TRIM33: variants seen among roughly 807,000 people sequenced by gnomAD.
TRIM33 encodes E3 ubiquitin-protein ligase TRIM33.
TRIM33 carries 20 observed loss-of-function variants against 125.4 expected under a neutral mutation model. The ratio of observed to expected loss-of-function variants is 0.16; its 90% CI spans 0.11 to 0.23. TRIM33 has a LOEUF of 0.23. Among genes scored for constraint, TRIM33 ranks in the 10% least tolerant of loss-of-function variants. The probability of loss-of-function intolerance (pLI) is 1.00; values close to 1 mark genes in which losing one functional copy is unlikely to be tolerated. For missense variants in TRIM33, 920 were observed against 1,411.4 expected (o/e 0.65, Z 5.58); for synonymous variants, 564 against 513.9 (o/e 1.10, Z -1.32).
chr1:114,478,806 G>C (rs1286808891), intron 1 of TRIM33, among the ~76,000 whole-genome samples: 5 of 152,246 alleles, frequency 3.3e-5, no homozygotes, highest in South Asian at 2.1e-4. Flanking sequence ...CCAGCACTTT[G>C]GGAGGCCAAG....
chr1:114,447,148 C>T (rs1649028413), intron 4 of TRIM33, among the ~76,000 whole-genome samples: 1 of 152,142 alleles, frequency 6.6e-6, no homozygotes, highest in Non-Finnish European at 1.5e-5. Flanking sequence ...TTAGGATTCA[C>T]TCTAGCAGTT....
chr1:114,398,486 A>T (rs1167930719), intron 18 of TRIM33, among the ~76,000 whole-genome samples: 2 of 152,194 alleles, frequency 1.3e-5, no homozygotes, highest in Admixed American at 1.3e-4. Flanking sequence ...AATAAGACAG[A>T]ATTTGGGACT....
At chr1:114,419,324 T>C (rs1653135892) in intron 11 of TRIM33, among the ~76,000 whole-genome samples, 1 of 151,400 alleles carries the variant, frequency 6.6e-6, no homozygotes, top group African/African-American at 2.4e-5. Context: ...GTGGCGTGAG[T>C]GGCCTCGCGT....
chr1:114,470,094 AAACT>A (rs1318610304), intron 1 of TRIM33, among the ~76,000 whole-genome samples: 2 of 152,326 alleles, frequency 1.3e-5, no homozygotes, highest in Admixed American at 6.5e-5. Context: ...ATCTTATAAT[AAACT>A]AAGTATAACT....
rs769945458 is a variant in TRIM33 at position 114,406,923 on chromosome 1, A to C, written c.2418+18T>G. On this transcript the variant is annotated intron_variant, in intron 14 of 19. Coordinates refer to ENST00000358465, the MANE Select transcript of TRIM33 (RefSeq NM_015906.4). ...AGTGATGTCCTTAAGTCCCTGTCAG[A>C]CTCCAGTGGGAGCTTACCATGCAAG... is the stretch of plus-strand genomic sequence containing the variant. 1 of 1,611,322 alleles carries C rather than the reference A, an allele frequency of 6.2e-7. No homozygotes were observed. The highest frequency in any genetic ancestry group is 8.5e-7 in the Non-Finnish European group (1 of 1,178,458).
At chr1:114,451,175 C>T (rs1649288120) in intron 4 of TRIM33, among the ~76,000 whole-genome samples, 1 of 152,082 alleles carries the variant, frequency 6.6e-6, no homozygotes, top group African/African-American at 2.4e-5. Flanking sequence ...TCCCCAAGTC[C>T]AGTGCCTCTC....
In TRIM33 at chr1:114,467,647, A is replaced by T. The variant is rs921960250; in HGVS notation, c.527-3259T>A. On this transcript the variant is annotated intron_variant, in intron 1 of 19. Transcript: ENST00000358465. Reference sequence around the variant, plus strand: ...ACATCAAAGGCCAGGACACAAATACATACCTGTCTGTGTAACTGAAACAAA... The same window carrying T: ...ACATCAAAGGCCAGGACACAAATACTTACCTGTCTGTGTAACTGAAACAAA... 2.6e-5 allele frequency among the ~76,000 whole-genome samples: 4 copies of T among 152,192 alleles called. No homozygotes were observed. In the South Asian group the frequency reaches 8.3e-4, roughly 31 times the overall value.
At chr1:114,470,638 T>TAACAACAAC (rs35575166) in intron 1 of TRIM33, among the ~76,000 whole-genome samples, 2 of 151,430 alleles carry the variant, frequency 1.3e-5, no homozygotes, top group East Asian at 3.9e-4. Flanking sequence ...ACTTGGTCAA[T>TAACAACAAC]AACAACAACA....
At chr1:114,421,226 GGA>G (rs888214259) in intron 11 of TRIM33, among the ~76,000 whole-genome samples, 10 of 152,158 alleles carry the variant, frequency 6.6e-5, no homozygotes, top group Non-Finnish European at 1.2e-4. Context: ...GGAGGCTAGA[GGA>G]GAGGGTAGGC....
chr1:114,490,111 G>GAAAAAAAAAAAAAAAAAAAA (rs1651970618), intron 1 of TRIM33, among the ~76,000 whole-genome samples: 1 of 115,524 alleles, frequency 8.7e-6, no homozygotes, highest in Non-Finnish European at 1.8e-5. Flanking sequence ...AAAAGAAAAG[G>GAAAAAAAAAAAAAAAAAAAA]AAAGGAAAGA....
At chr1:114,467,356 G>C (rs957252363) in intron 1 of TRIM33, among the ~76,000 whole-genome samples, 3 of 152,172 alleles carry the variant, frequency 2.0e-5, no homozygotes, top group Non-Finnish European at 4.4e-5. Flanking sequence ...TGAGGAAAAA[G>C]TGTTTTAGCC....
In TRIM33 at chr1:114,407,068, G is replaced by GTC; in HGVS notation, c.2289_2290dup (p.Thr764ArgfsTer11). ...CTGATCAGATTTGAAACTAAGACTT[G>GTC]TCTTCTCAGCAGTTCTTCCTGATGA... On this transcript the variant is annotated frameshift_variant, in exon 14 of 20. Coordinates refer to ENST00000358465, the MANE Select transcript of TRIM33 (RefSeq NM_015906.4). LOFTEE classifies it high-confidence loss of function. 6.2e-7 allele frequency: 1 copy of GTC among 1,613,640 alleles called. No individual in the cohort carries two copies. Among genetic ancestry groups the GTC allele is most frequent in the Non-Finnish European group, 8.5e-7 (1 of 1,179,796 alleles).
chr1:114,506,568 A>G (rs1397375112), intron 1 of TRIM33, among the ~76,000 whole-genome samples: 2 of 152,054 alleles, frequency 1.3e-5, no homozygotes, highest in Non-Finnish European at 2.9e-5. Context: ...GGGTCTTGCT[A>G]TGTTACTCAG....
intron 15 of TRIM33, 29 bp from the exon 16 acceptor site, chr1:114,402,912 C>A: frequency 1.3e-6 from 2 of 1,588,586 alleles, no homozygotes; most frequent in South Asian, 2.3e-5. Context: ...AATTAGTCCA[C>A]GTAATTATAA....
At chr1:114,408,189 A>C (rs1230671850) in intron 13 of TRIM33, among the ~76,000 whole-genome samples, 1 of 152,220 alleles carries the variant, frequency 6.6e-6, no homozygotes, top group Non-Finnish European at 1.5e-5. Context: ...AATCGGGAAA[A>C]CACTGTAGGA....
chr1:114,481,828 C>T (rs1057256278), intron 1 of TRIM33, among the ~76,000 whole-genome samples: 2 of 151,808 alleles, frequency 1.3e-5, no homozygotes, highest in Non-Finnish European at 2.9e-5. Flanking sequence ...GGCGTGATCG[C>T]ACCTCACTGC....
At chr1:114,485,333 C>T (rs748640682) in intron 1 of TRIM33, among the ~76,000 whole-genome samples, 17 of 151,714 alleles carry the variant, frequency 1.1e-4, no homozygotes, top group Admixed American at 2.6e-4. Flanking sequence ...TCCTCAATAT[C>T]AGTAGGGAAT....
rs562995911 is a variant in TRIM33 at position 114,415,230 on chromosome 1, A to C, written c.2062-4914T>G. On this transcript the variant is annotated intron_variant, in intron 11 of 19. Coordinates refer to ENST00000358465, the MANE Select transcript of TRIM33 (RefSeq NM_015906.4). ...AAGCTAGTCTCGAACTCCTGGCCTC[A>C]AGTGCTCTTCCTATCTTGGCCTCCT... is the stretch of plus-strand genomic sequence containing the variant. 2.8e-3 allele frequency among the ~76,000 whole-genome samples: 426 copies of C among 152,094 alleles called. 1 individual carries two copies. Among genetic ancestry groups the C allele is most frequent in the Non-Finnish European group, 5.1e-3 (350 of 67,974 alleles).
intron 1 of TRIM33, among the ~76,000 whole-genome samples, chr1:114,485,501 A>G (rs1557894974): frequency 6.6e-6 from 1 of 152,166 alleles, no homozygotes; most frequent in Non-Finnish European, 1.5e-5. Flanking sequence ...CAGTGGAATG[A>G]GTTAGCCCTA....
Sources: gnomAD v4.1 joint callset for allele counts (sites outside exome capture counted in the v4.1 genomes callset) on GRCh38, gnomAD v4.1.1 for gene constraint, MANE v1.5 for transcripts, NCBI Gene and HGNC (gene_info 2026-07-23, HGNC 2026-07-21) for gene names.